The following MYRFL variants were observed in gnomAD, a reference collection of about 807,000 sequenced individuals.
MYRFL encodes the protein myelin regulatory factor-like protein.
MYRFL carries 88 observed loss-of-function variants against 109.4 expected under a neutral mutation model. The ratio of observed to expected loss-of-function variants is 0.80; its 90% CI spans 0.68 to 0.96. The LOEUF (loss-of-function observed/expected upper bound fraction) is 0.96, where lower values mean the gene tolerates loss of function less well. MYRFL is among the 40% of genes least tolerant of loss of function. The pLI, the probability that MYRFL is intolerant of heterozygous loss-of-function variation, is 0.00. For synonymous variants in MYRFL, 324 were observed against 320.9 expected (o/e 1.01, Z -0.10); for missense variants, 957 against 954.9 (o/e 1.00, Z -0.03).
In MYRFL at chr12:69,880,552, C is replaced by G. The variant is rs531428671; in HGVS notation, c.556+260C>G. Among the ~76,000 whole-genome samples the G allele has an allele frequency of 5.9e-5, 9 of 152,318 alleles. No individual in the cohort carries two copies. The East Asian group carries it at 1.5e-3, about 26-fold the overall frequency. ...TCTTTCAATTTCAGGGACGATGTGT[C>G]TCAGAGGATTCAGGCTCCAGGCCTG... On this transcript the variant is annotated intron_variant, in intron 5 of 24. Transcript: ENST00000552032.
intron 19 of MYRFL, among the ~76,000 whole-genome samples, chr12:69,939,035 G>A (rs1013208760): frequency 6.0e-4 from 92 of 152,214 alleles, no homozygotes; most frequent in Non-Finnish European, 2.6e-4. Flanking sequence ...CTGGCTCGGA[G>A]GGTCCTACCC....
chr12:69,917,142 G>A (rs7953307), intron 13 of MYRFL, among the ~76,000 whole-genome samples: 28,684 of 152,046 alleles, frequency 0.19, 2,864 homozygotes, highest in Middle Eastern at 0.23. Context: ...GCAGTGCCGA[G>A]GCCTTCCTTA....
At chr12:69,932,436 G>T in intron 15 of MYRFL, 77 bp from the exon 16 acceptor site, 1 of 941,884 alleles carries the variant, frequency 1.1e-6, no homozygotes, top group Middle Eastern at 2.1e-4. Context: ...TACCCCTGCT[G>T]GGAGCAGTTC....
chr12:69,854,206 G>T (rs1374492231), intron 1 of MYRFL, among the ~76,000 whole-genome samples: 2 of 152,128 alleles, frequency 1.3e-5, no homozygotes, highest in Non-Finnish European at 2.9e-5. Context: ...CCAGTCAGGC[G>T]TGGCGGCGCG....
intron 2 of MYRFL, among the ~76,000 whole-genome samples, chr12:69,858,813 CTATTA>C (rs1044926280): frequency 6.6e-6 from 1 of 151,628 alleles, no homozygotes; most frequent in Admixed American, 6.6e-5. Context: ...TTGATTTTCT[CTATTA>C]TGTTTGTTTT....
intron 19 of MYRFL, among the ~76,000 whole-genome samples, chr12:69,951,788 C>T (rs574348110): frequency 6.6e-6 from 1 of 152,292 alleles, no homozygotes; most frequent in Non-Finnish European, 1.5e-5. Flanking sequence ...CCCTGACAGC[C>T]TATTTTTAAC....
chr12:69,880,707 G>A (rs995477458), intron 5 of MYRFL, among the ~76,000 whole-genome samples: 3 of 152,188 alleles, frequency 2.0e-5, no homozygotes, highest in Non-Finnish European at 4.4e-5. Flanking sequence ...CTCTGATTCA[G>A]TCTCTAGGGT....
chr12:69,890,970 G>A lies in MYRFL; in HGVS notation c.708-1G>A. On this transcript the variant is annotated splice_acceptor_variant, in intron 6 of 24. Transcript: ENST00000552032. LOFTEE classifies it high-confidence loss of function. ...TGGTTTCTTGGTTTCTCTTTTCATA[G>A]ACCTGATGTGGGCTATCGAGTTGTA... The A allele has an allele frequency of 1.3e-6, 2 of 1,488,028 alleles. No individual in the cohort carries two copies. The highest frequency in any genetic ancestry group is 1.8e-6 in the Non-Finnish European group (2 of 1,124,512). The allele number at this position is 1,488,028 out of a possible 1,614,324, so 92.2% of individuals were successfully genotyped here. A position where few individuals can be genotyped will look rare whatever the true frequency, so the allele number is the denominator to read the frequency against.
At chr12:69,887,134 A>T (rs1007098544) in intron 6 of MYRFL, among the ~76,000 whole-genome samples, 164 bp downstream of exon 6, 5 of 150,886 alleles carry the variant, frequency 3.3e-5, no homozygotes, top group Admixed American at 2.6e-4. Context: ...ACAAATAAAT[A>T]GTTGGAATAT....
At chr12:69,840,085 A>G (rs561460796) in intron 1 of MYRFL, among the ~76,000 whole-genome samples, 1 of 152,312 alleles carries the variant, frequency 6.6e-6, no homozygotes, top group African/African-American at 2.4e-5. Flanking sequence ...ACATAATTAG[A>G]AAAACCGATG....
chr12:69,915,885 A>G (rs538995242), intron 13 of MYRFL, among the ~76,000 whole-genome samples: 16 of 152,040 alleles, frequency 1.1e-4, no homozygotes, highest in Non-Finnish European at 2.1e-4. Flanking sequence ...TTTTTTGAGC[A>G]TTATTATTAG....
chr12:69,952,911 C>T, intron 21 of MYRFL, 25 bp downstream of exon 21: 1 of 1,462,970 alleles, frequency 6.8e-7, no homozygotes. Context: ...CCAGCATGCC[C>T]TGGTTGTTTC....
chr12:69,947,441 C>T (rs2120531778), intron 19 of MYRFL, among the ~76,000 whole-genome samples: 1 of 152,230 alleles, frequency 6.6e-6, no homozygotes, highest in South Asian at 2.1e-4. Context: ...CTCTCCCCCT[C>T]ACTTAATAAA....
At chr12:69,827,600 G>C (rs958845539) in intron 1 of MYRFL, among the ~76,000 whole-genome samples, 3 of 151,984 alleles carry the variant, frequency 2.0e-5, no homozygotes, top group African/African-American at 7.2e-5. Flanking sequence ...TCAAAAAAAA[G>C]GTTGTCATAA....
chr12:69,903,890 CA>C (rs1687574732), intron 11 of MYRFL, 46 bp downstream of exon 11: 1 of 1,470,358 alleles, frequency 6.8e-7, no homozygotes, highest in Non-Finnish European at 9.0e-7. Flanking sequence ...ACACCCCAGT[CA>C]GGTTTGCTGG....
intron 1 of MYRFL, among the ~76,000 whole-genome samples, chr12:69,830,979 T>C (rs573602397): frequency 1.3e-5 from 2 of 152,272 alleles, no homozygotes; most frequent in South Asian, 2.1e-4. Context: ...TCTTGGAAGC[T>C]AAACATTCAA....
At chr12:69,890,873 G>A in intron 6 of MYRFL, 98 bp from the exon 7 acceptor site, 1 of 887,474 alleles carries the variant, frequency 1.1e-6, no homozygotes, top group Non-Finnish European at 1.5e-6. Flanking sequence ...ACTTTTCACA[G>A]TACGTTTTCT....
At chr12:69,854,533 G>A (rs527872657) in intron 1 of MYRFL, among the ~76,000 whole-genome samples, 2 of 152,150 alleles carry the variant, frequency 1.3e-5, no homozygotes, top group East Asian at 3.9e-4. Flanking sequence ...ACAGGCACAT[G>A]CCACCATGTC....
At chr12:69,905,954 A>G (rs536590993) in intron 11 of MYRFL, among the ~76,000 whole-genome samples, 1 of 152,278 alleles carries the variant, frequency 6.6e-6, no homozygotes, top group East Asian at 1.9e-4. Context: ...CCTTTCTTTC[A>G]TATACTCTGG....
Sources: allele counts gnomAD v4.1 joint callset (sites outside exome capture counted in the v4.1 genomes callset), GRCh38; gene constraint gnomAD v4.1.1; transcripts MANE v1.5; gene names NCBI Gene and HGNC (gene_info 2026-07-23, HGNC 2026-07-21).